IL1R1: variants seen among roughly 807,000 people sequenced by gnomAD.
IL1R1 encodes interleukin 1 receptor type 1, also known as interleukin-1 receptor type 1.
In IL1R1, 22 loss-of-function variants were observed where a neutral mutation model predicts 50.2. That is an observed-to-expected ratio of 0.44 (90% confidence interval 0.31 to 0.63). IL1R1 has a LOEUF of 0.63. Ranked by LOEUF, IL1R1 falls within the 20% of genes least tolerant of loss-of-function variation. The pLI is 0.07. For synonymous variants in IL1R1, 251 were observed against 236.7 expected (o/e 1.06, Z -0.55); for missense variants, 509 against 676.2 (o/e 0.75, Z 2.74).
At chr2:102,114,451 A>C (rs1396099726) in intron 1 of IL1R1, among the ~76,000 whole-genome samples, 1 of 152,224 alleles carries the variant, frequency 6.6e-6, no homozygotes, top group Non-Finnish European at 1.5e-5. Flanking sequence ...AGGAATGTGT[A>C]CTGGAACTTA....
intron 2 of IL1R1, among the ~76,000 whole-genome samples, chr2:102,154,475 G>C (rs977191015): frequency 6.6e-6 from 1 of 152,174 alleles, no homozygotes; most frequent in Non-Finnish European, 1.5e-5. Context: ...AGCTGTCTGT[G>C]GGTACCTGAA....
At chr2:102,116,939 G>A (rs947086906) in intron 1 of IL1R1, among the ~76,000 whole-genome samples, 5 of 152,096 alleles carry the variant, frequency 3.3e-5, no homozygotes, top group African/African-American at 9.7e-5. Context: ...CCATTGTGAC[G>A]TGTTTGGCTG....
intron 7 of IL1R1, 54 bp from the exon 8 acceptor site, chr2:102,171,747 A>T: frequency 1.9e-6 from 2 of 1,041,786 alleles, no homozygotes; most frequent in South Asian, 1.5e-5. Flanking sequence ...TTATTAATCT[A>T]GATAGATCAG....
At chr2:102,110,945 G>A (rs950408349) in intron 1 of IL1R1, among the ~76,000 whole-genome samples, 4 of 152,132 alleles carry the variant, frequency 2.6e-5, no homozygotes, top group Non-Finnish European at 5.9e-5. Context: ...TGATTGGGAC[G>A]GCTCGAGGTG....
intron 1 of IL1R1, among the ~76,000 whole-genome samples, chr2:102,113,414 C>T (rs874953): frequency 0.24 from 36,383 of 152,034 alleles, 4,554 homozygotes; most frequent in African/African-American, 0.31. Context: ...CTGAGGGAGG[C>T]GGTGTTGCTT....
intron 1 of IL1R1, among the ~76,000 whole-genome samples, chr2:102,134,237 G>A (rs974741695): frequency 7.4e-6 from 1 of 135,246 alleles, no homozygotes; most frequent in Non-Finnish European, 1.6e-5. Context: ...CTGAGCCCAC[G>A]ATGTGCCTGG....
chr2:102,131,295 A>G (rs1264924888), intron 1 of IL1R1, among the ~76,000 whole-genome samples: 1 of 152,206 alleles, frequency 6.6e-6, no homozygotes, highest in Admixed American at 6.5e-5. Context: ...AAGACACAAA[A>G]ATATTCAGCA....
intron 1 of IL1R1, among the ~76,000 whole-genome samples, chr2:102,094,888 A>G (rs1679832711): frequency 6.6e-6 from 1 of 152,166 alleles, no homozygotes. Context: ...ATATTCTAGA[A>G]AATGCAGACT....
chr2:102,070,843 A>C (rs1678683490), intron 1 of IL1R1, among the ~76,000 whole-genome samples: 2 of 152,076 alleles, frequency 1.3e-5, no homozygotes. Context: ...TCATGAAGAT[A>C]TACCATGGCT....
intron 1 of IL1R1, among the ~76,000 whole-genome samples, chr2:102,077,543 A>G (rs1679023673): frequency 6.6e-6 from 1 of 152,200 alleles, no homozygotes; most frequent in South Asian, 2.1e-4. Context: ...TCTTGGCCTT[A>G]TAGAATAGTC....
chr2:102,095,315 C>A (rs1679850626), intron 1 of IL1R1, among the ~76,000 whole-genome samples: 1 of 152,122 alleles, frequency 6.6e-6, no homozygotes, highest in Non-Finnish European at 1.5e-5. Flanking sequence ...GGAAAGGAAG[C>A]CAATTTATCT....
chr2:102,116,582 CA>C (rs999134309), intron 1 of IL1R1, among the ~76,000 whole-genome samples: 8 of 151,016 alleles, frequency 5.3e-5, no homozygotes, highest in African/African-American at 1.5e-4. Flanking sequence ...GGTGATTAGC[CA>C]AAAAAAAGAG....
intron 7 of IL1R1, among the ~76,000 whole-genome samples, chr2:102,170,082 A>T (rs1364151798): frequency 1.3e-5 from 2 of 152,206 alleles, no homozygotes; most frequent in African/African-American, 2.4e-5. Flanking sequence ...TGATCTCTCA[A>T]TCTACAAAAA....
upstream of IL1R1, among the ~76,000 whole-genome samples, chr2:102,099,586 T>C (rs1680052734): frequency 1.3e-5 from 2 of 152,174 alleles, no homozygotes; most frequent in South Asian, 2.1e-4. Context: ...TCTTCGGCCA[T>C]GAACAGCCTT....
chr2:102,092,673 G>A lies in IL1R1; in HGVS notation c.-84+22140G>A, dbSNP rs561171067. On this transcript the variant is annotated intron_variant, in intron 1 of 11. Transcript: ENST00000409929. ...ATAAACTCCGAGAACAGGGCAAAGG[G>A]GAGCATGTTTATGACACTAATTCTT... is the stretch of plus-strand genomic sequence containing the variant. Among the ~76,000 whole-genome samples, 112 of 152,220 alleles carry A rather than the reference G, an allele frequency of 7.4e-4. 1 individual carries two copies. The highest frequency in any genetic ancestry group is 2.2e-4 in the Non-Finnish European group (15 of 68,014).
At chr2:102,078,566 A>ACACT (rs1272334930) in intron 1 of IL1R1, among the ~76,000 whole-genome samples, 4 of 118,470 alleles carry the variant, frequency 3.4e-5, no homozygotes, top group African/African-American at 1.4e-4. Flanking sequence ...AAAACTTCAC[A>ACACT]CACACACACA....
chr2:102,119,817 A>C (rs1237947150), intron 1 of IL1R1, among the ~76,000 whole-genome samples: 20 of 152,230 alleles, frequency 1.3e-4, no homozygotes, highest in Non-Finnish European at 2.6e-4. Context: ...GAGAACAGCT[A>C]AAATCAACTC....
At chr2:102,072,072 A>G (rs778081513) in intron 1 of IL1R1, among the ~76,000 whole-genome samples, 17 of 152,124 alleles carry the variant, frequency 1.1e-4, no homozygotes, top group Non-Finnish European at 1.6e-4. Flanking sequence ...ACCCTGGCTG[A>G]CACGGCAAAA....
intron 3 of IL1R1, among the ~76,000 whole-genome samples, chr2:102,159,565 G>T (rs1433009918): frequency 6.6e-6 from 1 of 152,192 alleles, no homozygotes; most frequent in Non-Finnish European, 1.5e-5. Flanking sequence ...CCCTCTGGAG[G>T]TTATGGCTCT....
Sources: gnomAD v4.1 joint callset for allele counts (sites outside exome capture counted in the v4.1 genomes callset) on GRCh38, gnomAD v4.1.1 for gene constraint, MANE v1.5 for transcripts, NCBI Gene and HGNC (gene_info 2026-07-23, HGNC 2026-07-21) for gene names.